The following KAZN variants were observed in gnomAD, a reference collection of about 807,000 sequenced individuals.
KAZN encodes kazrin.
KAZN carries 40 observed loss-of-function variants against 87.4 expected under a neutral mutation model. That is an observed-to-expected ratio of 0.46 (90% CI 0.36 to 0.60). The LOEUF (loss-of-function observed/expected upper bound fraction) is 0.60, where lower values mean the gene tolerates loss of function less well. Among genes scored for constraint, KAZN ranks in the 20% least tolerant of loss-of-function variants. The probability of loss-of-function intolerance (pLI) is 0.00; values close to 1 mark genes in which losing one functional copy is unlikely to be tolerated. For synonymous variants in KAZN, 466 were observed against 458.3 expected (o/e 1.02, Z -0.22); for missense variants, 898 against 1,073.9 (o/e 0.84, Z 2.29).
chr1:13,967,356 A>C (rs1641982899), intron 1 of KAZN, among the ~76,000 whole-genome samples: 3 of 152,114 alleles, frequency 2.0e-5, no homozygotes, highest in Non-Finnish European at 4.4e-5. Flanking sequence ...TGAAGGACTG[A>C]TTGAGAAGGA....
chr1:14,288,860 C>T (rs1464203882), intron 2 of KAZN, among the ~76,000 whole-genome samples: 6 of 152,104 alleles, frequency 3.9e-5, no homozygotes, highest in Non-Finnish European at 7.4e-5. Flanking sequence ...TAAATGTGTC[C>T]CAGAGATTCT....
chr1:15,100,317 C>T (rs1045615029), intron 10 of KAZN, among the ~76,000 whole-genome samples: 4 of 152,132 alleles, frequency 2.6e-5, no homozygotes, highest in Admixed American at 6.5e-5. Context: ...GGAGGACCCA[C>T]CCAGGACCCT....
chr1:14,629,786 A>C (rs557730784), intron 1 of KAZN, among the ~76,000 whole-genome samples: 1 of 152,270 alleles, frequency 6.6e-6, no homozygotes, highest in South Asian at 2.1e-4. Flanking sequence ...CTGGGGAGGC[A>C]CTAGGGCCGG....
intron 1 of KAZN, among the ~76,000 whole-genome samples, chr1:13,923,588 A>AAAAAG (rs1553174046): frequency 0.053 from 7,350 of 139,774 alleles, 427 homozygotes; most frequent in African/African-American, 0.1. Context: ...AAAAAAAAAA[A>AAAAAG]AAAATATAAT....
chr1:14,476,189 T>G (rs1668713954), intron 2 of KAZN, among the ~76,000 whole-genome samples: 2 of 152,264 alleles, frequency 1.3e-5, no homozygotes. Flanking sequence ...AGGCTGCTCC[T>G]TGGTTGGTTG....
At chr1:14,249,790 A>T (rs1013898636) in intron 2 of KAZN, among the ~76,000 whole-genome samples, 1 of 152,154 alleles carries the variant, frequency 6.6e-6, no homozygotes, top group Non-Finnish European at 1.5e-5. Context: ...AGCCAGAAAC[A>T]GTGTCTATGA....
chr1:13,941,162 T>C (rs1170474599), intron 1 of KAZN, among the ~76,000 whole-genome samples: 1 of 151,990 alleles, frequency 6.6e-6, no homozygotes, highest in African/African-American at 2.4e-5. Flanking sequence ...ACCACTGCAC[T>C]CTGGGCAACA....
chr1:14,169,747 C>G (rs866565741), intron 1 of KAZN, among the ~76,000 whole-genome samples: 1 of 152,122 alleles, frequency 6.6e-6, no homozygotes, highest in African/African-American at 2.4e-5. Context: ...TAACTCTGGG[C>G]CAGGCACTGT....
At chr1:14,041,125 A>G (rs1207610257) in intron 1 of KAZN, among the ~76,000 whole-genome samples, 1 of 152,170 alleles carries the variant, frequency 6.6e-6, no homozygotes, top group African/African-American at 2.4e-5. Context: ...ATTTTCTCCA[A>G]TATTTTCAAA....
chr1:14,978,407 T>A (rs1439625603), intron 2 of KAZN, among the ~76,000 whole-genome samples: 4 of 152,098 alleles, frequency 2.6e-5, no homozygotes, highest in African/African-American at 9.7e-5. Flanking sequence ...TTGAGGGATG[T>A]GATGGTGGGG....
intron 2 of KAZN, among the ~76,000 whole-genome samples, chr1:14,526,962 C>T (rs1210553502): frequency 6.6e-6 from 1 of 152,152 alleles, no homozygotes; most frequent in Non-Finnish European, 1.5e-5. Flanking sequence ...ATCTGATTTG[C>T]CTATGCCTAA....
chr1:15,110,369 T>C (rs1369622290), intron 13 of KAZN, among the ~76,000 whole-genome samples: 4 of 134,704 alleles, frequency 3.0e-5, no homozygotes, highest in African/African-American at 8.4e-5. Flanking sequence ...TATGTGTGTA[T>C]ATGTAGTGTG....
chr1:14,543,599 C>A (rs759479272), intron 2 of KAZN, among the ~76,000 whole-genome samples: 1 of 152,130 alleles, frequency 6.6e-6, no homozygotes, highest in Non-Finnish European at 1.5e-5. Flanking sequence ...TTTAATAGCA[C>A]CCCTTTTCTG....
intron 2 of KAZN, chr1:14,390,670 A>G (rs1662341566): frequency 6.6e-6 from 1 of 152,470 alleles, no homozygotes; most frequent in East Asian, 1.9e-4. Context: ...TTTAATAAAC[A>G]AATTTATTGA....
At chr1:14,579,772 G>A (rs943449699) in intron 2 of KAZN, among the ~76,000 whole-genome samples, 1 of 152,192 alleles carries the variant, frequency 6.6e-6, no homozygotes, top group African/African-American at 2.4e-5. Flanking sequence ...TGCTGGGTAA[G>A]AAGCAGCATC....
chr1:14,998,422 G>T (rs1281262363), intron 2 of KAZN, among the ~76,000 whole-genome samples: 2 of 152,114 alleles, frequency 1.3e-5, no homozygotes, highest in Non-Finnish European at 2.9e-5. Flanking sequence ...GGACTTTGGG[G>T]GTTAGACCTT....
chr1:14,671,412 T>C (rs1434749173), intron 1 of KAZN, among the ~76,000 whole-genome samples: 2 of 152,228 alleles, frequency 1.3e-5, no homozygotes, highest in Non-Finnish European at 2.9e-5. Flanking sequence ...GAAAGGAGGC[T>C]GGTGCTGGGT....
intron 1 of KAZN, among the ~76,000 whole-genome samples, chr1:14,625,650 T>TA (rs1449953782): frequency 6.6e-6 from 1 of 152,260 alleles, no homozygotes; most frequent in Non-Finnish European, 1.5e-5. Context: ...CTAAAAGCGT[T>TA]ACTTTAAAAT....
chr1:14,317,590 C>A (rs182088743), intron 2 of KAZN, among the ~76,000 whole-genome samples: 7 of 152,038 alleles, frequency 4.6e-5, no homozygotes, highest in African/African-American at 7.2e-5. Flanking sequence ...TTTGCTCCAT[C>A]TGTTTTTTTC....
Sources: gnomAD v4.1 joint callset for allele counts (sites outside exome capture counted in the v4.1 genomes callset) on GRCh38, gnomAD v4.1.1 for gene constraint, MANE v1.5 for transcripts, NCBI Gene and HGNC (gene_info 2026-07-23, HGNC 2026-07-21) for gene names.